ARFGEF3: variants seen among roughly 807,000 people sequenced by gnomAD.
ARFGEF3 encodes the protein brefeldin A-inhibited guanine nucleotide-exchange protein 3.
Under a neutral mutation model 221.7 loss-of-function variants are expected in ARFGEF3, and 96 were observed. The observed-to-expected ratio is 0.43, with a 90% CI of 0.37 to 0.51. The LOEUF is 0.51. Among genes scored for constraint, ARFGEF3 ranks in the 20% least tolerant of loss-of-function variants. The pLI is 0.00. For missense variants in ARFGEF3, 2,410 were observed against 2,789.9 expected, an observed-to-expected ratio of 0.86 and a Z score of 3.07; for synonymous variants, 1,145 against 1,126.8, an observed-to-expected ratio of 1.02 and a Z score of -0.32.
At chr6:138,229,539 A>G (rs936366752) in intron 4 of ARFGEF3, among the ~76,000 whole-genome samples, 1 of 152,234 alleles carries the variant, frequency 6.6e-6, no homozygotes, top group African/African-American at 2.4e-5. Context: ...GTTTCTGGCC[A>G]GTCTTGCAAG....
At chr6:138,201,364 G>A (rs1005128902) in intron 2 of ARFGEF3, among the ~76,000 whole-genome samples, 7 of 152,170 alleles carry the variant, frequency 4.6e-5, no homozygotes, top group African/African-American at 1.7e-4. Flanking sequence ...AAAGATACTT[G>A]CACACACATG....
chr6:138,171,583 T>C (rs1776832493), intron 2 of ARFGEF3, among the ~76,000 whole-genome samples: 6 of 151,534 alleles, frequency 4.0e-5, no homozygotes. Context: ...GGGAGAGAAA[T>C]GCCTGCCTCT....
At chr6:138,273,007 A>C (rs890832970) in intron 12 of ARFGEF3, among the ~76,000 whole-genome samples, 1 of 152,258 alleles carries the variant, frequency 6.6e-6, no homozygotes, top group African/African-American at 2.4e-5. Context: ...CAATGTAACT[A>C]TGCAGTGGTA....
intron 24 of ARFGEF3, among the ~76,000 whole-genome samples, chr6:138,310,911 C>T (rs1779814681): frequency 6.6e-6 from 1 of 152,214 alleles, no homozygotes; most frequent in Admixed American, 6.5e-5. Flanking sequence ...GCATTTAGTG[C>T]CACGCACTGG....
At chr6:138,323,943 C>G in intron 30 of ARFGEF3, 80 bp from the exon 31 acceptor site, 13 of 1,575,912 alleles carry the variant, frequency 8.2e-6, no homozygotes, top group Non-Finnish European at 1.0e-5. Flanking sequence ...GTCTCAGACA[C>G]AGTGACGATC....
Position 138,291,885 on chromosome 6 carries a change from C to T in ARFGEF3, c.3200C>T (p.Pro1067Leu), listed in dbSNP as rs1457110048. Residue 1067 changes from proline to leucine, a missense_variant, in exon 19 of 34, where the codon CCG becomes CTG. Physicochemically the swap from Pro to Leu is moderately conservative, Grantham distance 98 (BLOSUM62 -3). Coordinates refer to ENST00000251691, the MANE Select transcript of ARFGEF3 (RefSeq NM_020340.5). This position sits in a 1 kb window ranked among gnomAD's most constrained non-coding sequence, Gnocchi z 4.5. The stretch of plus-strand genomic sequence containing the variant: ...GAGGGCTCGCCCCCCGAGCACAGCC[C>T]GGAGCAGGGGCGCTCCCTGAGCACG... ...ECEGSPPEHS[P>L]EQGRSLSTAP... 21 of 1,500,530 alleles carry T rather than the reference C, an allele frequency of 1.4e-5. No homozygotes were observed. Among genetic ancestry groups the T allele is most frequent in the Non-Finnish European group, 1.6e-5 (18 of 1,120,194 alleles). The allele number at this position is 1,500,530 out of a possible 1,614,324, so 93.0% of individuals were successfully genotyped here.
chr6:138,172,840 G>A (rs1776866635), intron 2 of ARFGEF3, among the ~76,000 whole-genome samples: 1 of 152,120 alleles, frequency 6.6e-6, no homozygotes, highest in Non-Finnish European at 1.5e-5. Context: ...TAATAAAAGT[G>A]TATTTTCCAT....
intron 2 of ARFGEF3, among the ~76,000 whole-genome samples, chr6:138,193,048 A>ATT (rs1777339735): frequency 6.6e-6 from 1 of 152,154 alleles, no homozygotes; most frequent in Admixed American, 6.5e-5. Flanking sequence ...AACTGGCTAA[A>ATT]GGTTAGTTTC....
At chr6:138,211,513 C>G (rs1777726903) in intron 4 of ARFGEF3, among the ~76,000 whole-genome samples, 2 of 152,152 alleles carry the variant, frequency 1.3e-5, no homozygotes, top group Admixed American at 1.3e-4. Flanking sequence ...GAAAAAGAGG[C>G]AAGACCAACT....
At chr6:138,241,443 C>T (rs1461312282) in intron 6 of ARFGEF3, among the ~76,000 whole-genome samples, 1 of 152,178 alleles carries the variant, frequency 6.6e-6, no homozygotes, top group Non-Finnish European at 1.5e-5. Flanking sequence ...TACTGCCTAC[C>T]TGCCCTTCTT....
intron 3 of ARFGEF3, among the ~76,000 whole-genome samples, chr6:138,208,468 TG>T (rs1432923584): frequency 6.6e-6 from 1 of 152,142 alleles, no homozygotes; most frequent in African/African-American, 2.4e-5. Flanking sequence ...AGGTCTTCAG[TG>T]GTGTGAAGGT....
rs534597737 is a variant in ARFGEF3 at position 138,184,594 on chromosome 6, T to G, written c.137+13881T>G. ...CCTGTGAATATAAAAGGGCCCAGCT[T>G]GTCCTTGGGAATTATAAACAAATCT... is the stretch of plus-strand genomic sequence containing the variant. On this transcript the variant is annotated intron_variant, in intron 2 of 33. Coordinates refer to ENST00000251691, the MANE Select transcript of ARFGEF3 (RefSeq NM_020340.5). Among the ~76,000 whole-genome samples, 22 of 152,358 alleles carry G rather than the reference T, an allele frequency of 1.4e-4. 1 individual carries two copies. The highest frequency in any genetic ancestry group is 4.8e-4 in the African/African-American group (20 of 41,598).
intron 5 of ARFGEF3, 37 bp downstream of exon 5, chr6:138,229,889 C>A (rs773834137): frequency 1.3e-6 from 2 of 1,538,320 alleles, no homozygotes; most frequent in South Asian, 1.1e-5. Flanking sequence ...CTGTTCACAG[C>A]TGCTTTATCT....
chr6:138,253,977 CT>C lies in ARFGEF3; in HGVS notation c.764del (p.Leu255ArgfsTer12). ...SMHLHRRFTDLIWKNLCPALI... is the reference protein window; with the variant it reads ...SMHLHRRFTDXIWKNLCPALI... ...GCACCTGCACAGGCGCTTCACGGAC[CT>C]GATCTGGTGAGCACCCACTCCTGAC... is the stretch of plus-strand genomic sequence containing the variant. On this transcript the variant is annotated frameshift_variant, in exon 9 of 34. Transcript: ENST00000251691. LOFTEE classifies it high-confidence loss of function. 2 of 1,581,860 alleles carry C rather than the reference CT, an allele frequency of 1.3e-6. No homozygotes were observed. Among genetic ancestry groups the C allele is most frequent in the Non-Finnish European group, 1.7e-6 (2 of 1,165,526 alleles).
chr6:138,321,213 G>T lies in ARFGEF3; in HGVS notation c.4754G>T (p.Cys1585Phe). ...KPTETISRVG[C>F]SCIRYVLVTA... Reference sequence around the variant, plus strand: ...ACTGAAACCATCTCCAGAGTGGGCTGCTCCTGTATTAGGTGAGGAAATGCT... The same window carrying T: ...ACTGAAACCATCTCCAGAGTGGGCTTCTCCTGTATTAGGTGAGGAAATGCT... The change falls in exon 29 of 34, where the codon TGC becomes TTC. Residue 1585 changes from cysteine to phenylalanine, a missense_variant. Coordinates refer to ENST00000251691, the MANE Select transcript of ARFGEF3 (RefSeq NM_020340.5). The T allele has an allele frequency of 6.5e-7, 1 of 1,540,942 alleles. No homozygotes were observed.
rs1399690513 is a variant in ARFGEF3 at position 138,335,095 on chromosome 6, C to A, written c.6249C>A (p.Gly2083=). ...QGQMRHSFSA[G]PELLRQDKRP... ...AAATGCGGCATTCCTTCAGCGCAGGCCCCGAGCTGCTGCGACAGGACAAGA... is the reference window on the plus strand; with the variant it reads ...AAATGCGGCATTCCTTCAGCGCAGGACCCGAGCTGCTGCGACAGGACAAGA... The change falls in exon 33 of 34, where the codon GGC becomes GGA. Residue 2083 remains glycine, a synonymous_variant. Coordinates refer to ENST00000251691, the MANE Select transcript of ARFGEF3 (RefSeq NM_020340.5). 6.2e-7 allele frequency: 1 copy of A among 1,600,860 alleles called. No homozygotes were observed. The highest frequency in any genetic ancestry group is 8.5e-7 in the Non-Finnish European group (1 of 1,174,564).
chr6:138,177,924 A>G (rs1219136309), intron 2 of ARFGEF3, among the ~76,000 whole-genome samples: 2 of 152,218 alleles, frequency 1.3e-5, no homozygotes, highest in African/African-American at 4.8e-5. Flanking sequence ...GAGCGTGTTT[A>G]AAATAAATAT....
At position 138,245,424 on chromosome 6, in the gene ARFGEF3, A is replaced by G. The variant is rs879190071; in HGVS notation, c.587-89A>G. On this transcript the variant is annotated intron_variant, in intron 7 of 33. Coordinates refer to ENST00000251691, the MANE Select transcript of ARFGEF3 (RefSeq NM_020340.5). ...AATCATCTTTTCAGTCTCAAAAACC[A>G]TCTAAAGTGGAGGATGGGAAGGATG... 1.6e-5 allele frequency: 14 copies of G among 883,800 alleles called. No homozygotes were observed. In the South Asian group the frequency reaches 1.8e-4, roughly 12 times the overall value. 54.7% of individuals were successfully genotyped at this position (883,800 alleles called of 1,614,324 possible). A position where few individuals can be genotyped will look rare whatever the true frequency, so the allele number is the denominator to read the frequency against.
chr6:138,170,195 G>A (rs766349846), intron 1 of ARFGEF3, among the ~76,000 whole-genome samples: 5 of 152,166 alleles, frequency 3.3e-5, no homozygotes, highest in Non-Finnish European at 5.9e-5. Flanking sequence ...TTTAAAAAAA[G>A]TTTAATCTAC....
Sources: allele counts gnomAD v4.1 joint callset (sites outside exome capture counted in the v4.1 genomes callset), GRCh38; gene constraint gnomAD v4.1.1; non-coding constraint Gnocchi (gnomAD v3.1); transcripts MANE v1.5; gene names NCBI Gene and HGNC (gene_info 2026-07-23, HGNC 2026-07-21).